KPNA6: variants seen among roughly 807,000 people sequenced by gnomAD.
The protein encoded by KPNA6 is importin subunit alpha-7.
Under a neutral mutation model 72.0 loss-of-function variants are expected in KPNA6, and 9 were observed. The ratio of observed to expected loss-of-function variants is 0.13; its 90% CI spans 0.08 to 0.22. The LOEUF is 0.22. Ranked by LOEUF, KPNA6 falls within the 10% of genes least tolerant of loss-of-function variation. The probability of loss-of-function intolerance (pLI) is 1.00; values close to 1 mark genes in which losing one functional copy is unlikely to be tolerated. For synonymous variants in KPNA6, 219 were observed against 242.1 expected (o/e 0.90, Z 0.89); for missense variants, 374 against 655.7 (o/e 0.57, Z 4.69).
At position 32,154,709 on chromosome 1, in the gene KPNA6, G is replaced by A; in HGVS notation, c.126G>A (p.Lys42=). The A allele has an allele frequency of 6.2e-7, 1 of 1,614,066 alleles. No individual in the cohort carries two copies. The highest frequency in any genetic ancestry group is 8.5e-7 in the Non-Finnish European group (1 of 1,179,996). The change falls in exon 2 of 14, where the codon AAG becomes AAA. Residue 42 remains lysine, a synonymous_variant. Transcript: ENST00000373625. The part of the protein sequence containing the change: ...EEEGIQLRKQ[K]REQQLFKRRN... ...AGGGCATTCAGCTCCGGAAGCAGAA[G>A]CGAGAGCAACAAGTGAGTTAATGGG...
intron 1 of KPNA6, among the ~76,000 whole-genome samples, chr1:32,116,382 G>C (rs1241362792): frequency 6.6e-6 from 1 of 151,854 alleles, no homozygotes; most frequent in Non-Finnish European, 1.5e-5. Flanking sequence ...TTCCTGGCCA[G>C]GTGCAGTGGC....
chr1:32,140,572 A>T (rs1641819354), intron 1 of KPNA6, among the ~76,000 whole-genome samples: 1 of 152,198 alleles, frequency 6.6e-6, no homozygotes, highest in Admixed American at 6.5e-5. Context: ...TAATTTATAG[A>T]TATTGTACTA....
chr1:32,169,613 A>ATT (rs77371621), intron 12 of KPNA6, among the ~76,000 whole-genome samples: 26 of 129,700 alleles, frequency 2.0e-4, no homozygotes, highest in South Asian at 7.8e-4. Flanking sequence ...CACCTGGCCA[A>ATT]TTTTTTTTTT....
intron 1 of KPNA6, among the ~76,000 whole-genome samples, chr1:32,136,793 C>T (rs1641742594): frequency 6.6e-6 from 1 of 152,170 alleles, no homozygotes; most frequent in African/African-American, 2.4e-5. Context: ...ATTTATTCCT[C>T]CCCAATTCAT....
intron 1 of KPNA6, among the ~76,000 whole-genome samples, chr1:32,147,391 A>G (rs1444367116): frequency 6.6e-6 from 1 of 151,904 alleles, no homozygotes; most frequent in Non-Finnish European, 1.5e-5. Context: ...TCCTGTGCTC[A>G]GGCAATCCTC....
chr1:32,123,665 C>T (rs907285828), intron 1 of KPNA6, among the ~76,000 whole-genome samples: 5 of 148,914 alleles, frequency 3.4e-5, no homozygotes, highest in South Asian at 2.1e-4. Context: ...GCTTGAGCCC[C>T]GGAGATTGAG....
At chr1:32,160,758 G>T in intron 7 of KPNA6, 55 bp downstream of exon 7, 1 of 1,237,142 alleles carries the variant, frequency 8.1e-7, no homozygotes. Context: ...CACGTGGCAG[G>T]TCATTTGGGG....
intron 1 of KPNA6, among the ~76,000 whole-genome samples, chr1:32,125,701 T>C (rs1362891562): frequency 6.6e-6 from 1 of 152,232 alleles, no homozygotes; most frequent in Non-Finnish European, 1.5e-5. Context: ...GGTATGATAT[T>C]GCCCCCGTTG....
intron 1 of KPNA6, among the ~76,000 whole-genome samples, chr1:32,146,895 T>C (rs1641938894): frequency 6.6e-6 from 1 of 152,158 alleles, no homozygotes; most frequent in African/African-American, 2.4e-5. Flanking sequence ...AGTCTTGCTT[T>C]GTTGCCCAGG....
intron 1 of KPNA6, among the ~76,000 whole-genome samples, chr1:32,118,715 C>T (rs1023107288): frequency 6.6e-6 from 1 of 151,792 alleles, no homozygotes; most frequent in South Asian, 2.1e-4. Context: ...TCGTTTGAAC[C>T]TAGGAGTTTG....
At chr1:32,166,963 T>G (rs1013884240) in intron 11 of KPNA6, among the ~76,000 whole-genome samples, 13 of 151,912 alleles carry the variant, frequency 8.6e-5, no homozygotes, top group Non-Finnish European at 1.5e-4. Context: ...ATAAATAAAT[T>G]GGAGTCAGTG....
intron 1 of KPNA6, among the ~76,000 whole-genome samples, chr1:32,123,739 T>TAA (rs56952347): frequency 0.022 from 2,224 of 99,852 alleles, 75 homozygotes; most frequent in African/African-American, 0.073. Context: ...GACCCTGTCT[T>TAA]AAAAAAAAAA....
intron 1 of KPNA6, among the ~76,000 whole-genome samples, chr1:32,130,988 A>C (rs1641625947): frequency 6.6e-6 from 1 of 152,036 alleles, no homozygotes; most frequent in South Asian, 2.1e-4. Flanking sequence ...TAAAACCATA[A>C]AATTACTATA....
chr1:32,155,326 C>CTTTTTTTTTTCT (rs1553130098), intron 2 of KPNA6, among the ~76,000 whole-genome samples: 44 of 133,376 alleles, frequency 3.3e-4, no homozygotes, highest in Admixed American at 1.2e-3. Flanking sequence ...TTTTTTTTTT[C>CTTTTTTTTTTCT]TTTTTTTTTT....
At chr1:32,166,266 T>G (rs1179660440) in intron 11 of KPNA6, 36 bp downstream of exon 11, 13 of 1,590,090 alleles carry the variant, frequency 8.2e-6, no homozygotes, top group Non-Finnish European at 1.1e-5. Context: ...GCATGGGAAG[T>G]CATAGGAACT....
chr1:32,165,337 A>G (rs183881693), intron 10 of KPNA6, among the ~76,000 whole-genome samples: 20 of 152,162 alleles, frequency 1.3e-4, no homozygotes, highest in Admixed American at 1.0e-3. Context: ...GGTGCATACC[A>G]CTGTGCCCAG....
chr1:32,129,591 T>A (rs1641601261), intron 1 of KPNA6, among the ~76,000 whole-genome samples: 1 of 152,174 alleles, frequency 6.6e-6, no homozygotes, highest in Non-Finnish European at 1.5e-5. Context: ...GGTCTCGCTC[T>A]GTCACCCAGG....
intron 13 of KPNA6, among the ~76,000 whole-genome samples, 189 bp downstream of exon 13, chr1:32,170,249 C>T (rs577078727): frequency 2.6e-5 from 4 of 152,280 alleles, no homozygotes; most frequent in South Asian, 2.1e-4. Context: ...GGGTTTCACA[C>T]GTTACCATGA....
At chr1:32,116,062 A>T (rs1641322988) in intron 1 of KPNA6, among the ~76,000 whole-genome samples, 1 of 152,072 alleles carries the variant, frequency 6.6e-6, no homozygotes, top group African/African-American at 2.4e-5. Flanking sequence ...CTTATGAACC[A>T]GTCTCGTTAG....
Sources: allele counts gnomAD v4.1 joint callset (sites outside exome capture counted in the v4.1 genomes callset), GRCh38; gene constraint gnomAD v4.1.1; transcripts MANE v1.5; gene names NCBI Gene and HGNC (gene_info 2026-07-23, HGNC 2026-07-21).